MAGI2: variants seen among roughly 807,000 people sequenced by gnomAD.
The protein encoded by MAGI2 is membrane-associated guanylate kinase, WW and PDZ domain-containing protein 2.
In MAGI2, 35 loss-of-function variants were observed where a neutral mutation model predicts 133.3. The ratio of observed to expected loss-of-function variants is 0.26; its 90% confidence interval spans 0.20 to 0.35. MAGI2 has a LOEUF of 0.35. MAGI2 is among the 10% of genes least tolerant of loss of function. The probability of loss-of-function intolerance (pLI) is 1.00; values close to 1 mark genes in which losing one functional copy is unlikely to be tolerated. For synonymous variants in MAGI2, 729 were observed against 710.6 expected, an observed-to-expected ratio of 1.03 and a Z score of -0.41; for missense variants, 1,636 against 1,863.4, an observed-to-expected ratio of 0.88 and a Z score of 2.25.
At chr7:78,640,373 C>A (rs557897691) in intron 2 of MAGI2, among the ~76,000 whole-genome samples, 1 of 152,120 alleles carries the variant, frequency 6.6e-6, no homozygotes, top group East Asian at 1.9e-4. Context: ...ATGCAATTAT[C>A]ATCAGAGAGT....
chr7:78,179,441 C>T (rs1826975254), intron 13 of MAGI2, among the ~76,000 whole-genome samples: 1 of 152,210 alleles, frequency 6.6e-6, no homozygotes, highest in Non-Finnish European at 1.5e-5. Flanking sequence ...CACAATTATA[C>T]AGGCTTGCCT....
chr7:79,087,847 T>A (rs1335614669), intron 1 of MAGI2, among the ~76,000 whole-genome samples: 1 of 152,114 alleles, frequency 6.6e-6, no homozygotes, highest in East Asian at 1.9e-4. Context: ...TATGTTCCAT[T>A]GGTCTATATA....
intron 2 of MAGI2, among the ~76,000 whole-genome samples, chr7:78,909,021 C>T (rs12111707): frequency 0.051 from 7,712 of 151,474 alleles, 484 homozygotes; most frequent in African/African-American, 0.15. Context: ...TCAGAGTGAA[C>T]AGGCAACCTA....
chr7:79,043,386 T>C (rs554478029), intron 1 of MAGI2, among the ~76,000 whole-genome samples: 15 of 150,854 alleles, frequency 9.9e-5, no homozygotes, highest in Admixed American at 9.2e-4. Flanking sequence ...CTACTAAAAA[T>C]ACAAAAACTA....
chr7:78,900,650 A>G (rs1797554386), intron 2 of MAGI2, among the ~76,000 whole-genome samples: 1 of 152,138 alleles, frequency 6.6e-6, no homozygotes, highest in South Asian at 2.1e-4. Flanking sequence ...CCCTATGCCA[A>G]CTGTTGTCAC....
chr7:79,108,099 T>G (rs571237570), intron 1 of MAGI2, among the ~76,000 whole-genome samples: 1 of 152,178 alleles, frequency 6.6e-6, no homozygotes, highest in East Asian at 1.9e-4. Flanking sequence ...TAGGGAAGGA[T>G]GTGAATGACT....
At chr7:79,277,605 T>G (rs1446042605) in intron 1 of MAGI2, among the ~76,000 whole-genome samples, 2 of 152,122 alleles carry the variant, frequency 1.3e-5, no homozygotes, top group Non-Finnish European at 2.9e-5. Context: ...ATACTACCCT[T>G]AAGTGGCTCA....
chr7:78,601,674 G>A (rs2150879779), intron 3 of MAGI2, among the ~76,000 whole-genome samples: 1 of 151,842 alleles, frequency 6.6e-6, no homozygotes, highest in South Asian at 2.1e-4. Context: ...CAATGTTTTG[G>A]GCAAGGATTA....
In MAGI2 at chr7:79,191,402, C is replaced by CTTTTTTT. The variant is rs71095386; in HGVS notation, c.302-184203_302-184197dup. On this transcript the variant is annotated intron_variant, in intron 1 of 21. Coordinates refer to ENST00000354212, the MANE Select transcript of MAGI2 (RefSeq NM_012301.4). ...TCTTTTTTTCTTTTTCTTTTTCTTT[C>CTTTTTTT]TTTTTTTTTTTTTTTTTTTTTTTTT... 2.1e-3 allele frequency among the ~76,000 whole-genome samples: 46 copies of CTTTTTTT among 22,328 alleles called. 11 individuals carry two copies. Among genetic ancestry groups the CTTTTTTT allele is most frequent in the South Asian group, 5.9e-3 (3 of 508 alleles). The allele number at this position is 22,328 out of a possible 152,430, so 14.6% of individuals were successfully genotyped here. A position where few individuals can be genotyped will look rare whatever the true frequency, so the allele number is the denominator to read the frequency against.
At chr7:78,690,066 T>C (rs1016753446) in intron 2 of MAGI2, among the ~76,000 whole-genome samples, 1 of 152,164 alleles carries the variant, frequency 6.6e-6, no homozygotes, top group African/African-American at 2.4e-5. Flanking sequence ...TTTTCCTCTA[T>C]CAAAACTTTC....
chr7:78,628,781 T>C (rs1808644998), intron 2 of MAGI2, among the ~76,000 whole-genome samples: 1 of 148,070 alleles, frequency 6.8e-6, no homozygotes, highest in South Asian at 2.2e-4. Context: ...CTAGTATGCA[T>C]AATATTGTCA....
intron 1 of MAGI2, among the ~76,000 whole-genome samples, chr7:79,388,222 TGCC>T (rs1844334058): frequency 1.3e-5 from 2 of 152,024 alleles, no homozygotes; most frequent in South Asian, 4.1e-4. Context: ...TGCTAAAACA[TGCC>T]TTTTAAATCT....
chr7:79,428,526 A>G (rs1847553204), intron 1 of MAGI2, among the ~76,000 whole-genome samples: 1 of 152,210 alleles, frequency 6.6e-6, no homozygotes, highest in Admixed American at 6.5e-5. Flanking sequence ...ATGATTATTC[A>G]TTAATAGGCT....
chr7:79,222,008 T>C (rs1400624362), intron 1 of MAGI2, among the ~76,000 whole-genome samples: 3 of 152,084 alleles, frequency 2.0e-5, no homozygotes, highest in Admixed American at 2.0e-4. Context: ...GCTCACCCAC[T>C]CATTGAAGGG....
chr7:78,178,466 G>T (rs1826873298), intron 13 of MAGI2, among the ~76,000 whole-genome samples: 1 of 152,110 alleles, frequency 6.6e-6, no homozygotes, highest in African/African-American at 2.4e-5. Flanking sequence ...ACTCTGATTA[G>T]AACAATTATT....
chr7:78,373,340 C>G (rs372882917), intron 6 of MAGI2, among the ~76,000 whole-genome samples: 1 of 152,142 alleles, frequency 6.6e-6, no homozygotes, highest in Non-Finnish European at 1.5e-5. Flanking sequence ...ATTAGTGGAG[C>G]AACTGGCAAA....
intron 4 of MAGI2, among the ~76,000 whole-genome samples, chr7:78,507,425 G>A (rs1050475543): frequency 6.6e-6 from 1 of 152,074 alleles, no homozygotes; most frequent in African/African-American, 2.4e-5. Flanking sequence ...GGAAGAAAAG[G>A]GGAACTGAGC....
At chr7:78,339,976 G>T (rs1860538) in intron 9 of MAGI2, among the ~76,000 whole-genome samples, 83,170 of 151,952 alleles carry the variant, frequency 0.55, 23,287 homozygotes, top group African/African-American at 0.64. Context: ...GCAATACAGC[G>T]TTGGTGATAT....
chr7:79,233,241 G>C (rs201330735), intron 1 of MAGI2, among the ~76,000 whole-genome samples: 11,580 of 68,272 alleles, frequency 0.17, no homozygotes, highest in East Asian at 0.28. Flanking sequence ...GAATAGGTGT[G>C]GTGTGGTGCT....
Sources: gnomAD v4.1 joint callset for allele counts (sites outside exome capture counted in the v4.1 genomes callset) on GRCh38, gnomAD v4.1.1 for gene constraint, MANE v1.5 for transcripts, NCBI Gene and HGNC (gene_info 2026-07-23, HGNC 2026-07-21) for gene names.